Variants in CUX1 observed in about 807,000 individuals in gnomAD.
CUX1 encodes the protein protein CASP.
In CUX1, 31 loss-of-function variants were observed where a neutral mutation model predicts 158.8. The observed-to-expected ratio is 0.20, with a 90% confidence interval of 0.15 to 0.26. The LOEUF (loss-of-function observed/expected upper bound fraction) is 0.26, where lower values mean the gene tolerates loss of function less well. Among genes scored for constraint, CUX1 ranks in the 10% least tolerant of loss-of-function variants. CUX1 has a pLI of 1.00. For synonymous variants in CUX1, 879 were observed against 862.1 expected (o/e 1.02, Z -0.34); for missense variants, 1,589 against 2,014.6 (o/e 0.79, Z 4.04).
chr7:102,239,429 G>C lies in CUX1; in HGVS notation c.3732G>C (p.Leu1244=). 1 of 1,613,960 alleles carries C rather than the reference G, an allele frequency of 6.2e-7. No individual in the cohort carries two copies. The highest frequency in any genetic ancestry group is 1.7e-5 in the Admixed American group (1 of 60,018). ...QGASPQPQHQ[L]KKPRVVLAPE... Reference sequence around the variant, plus strand: ...CCAGCCCCCAGCCCCAGCACCAGCTGAAGAAACCCCGGGTGGTGCTGGCTC... The same window carrying C: ...CCAGCCCCCAGCCCCAGCACCAGCTCAAGAAACCCCGGGTGGTGCTGGCTC... The change falls in exon 23 of 24, where the codon CTG becomes CTC. Residue 1244 remains leucine (L), a synonymous_variant. Coordinates refer to ENST00000292535, the MANE Select transcript of CUX1 (RefSeq NM_181552.4).
chr7:102,223,274 A>G (rs1431618363), intron 20 of CUX1, among the ~76,000 whole-genome samples: 2 of 152,082 alleles, frequency 1.3e-5, no homozygotes, highest in East Asian at 3.9e-4. Flanking sequence ...TAAAGTTTAA[A>G]AAAAGTTTAA....
chr7:101,956,496 G>C (rs1018329948), intron 2 of CUX1, among the ~76,000 whole-genome samples: 3 of 152,200 alleles, frequency 2.0e-5, no homozygotes, highest in Non-Finnish European at 1.5e-5. Flanking sequence ...GGATTATGGA[G>C]TCAACGTTTC....
At chr7:102,044,616 C>T (rs1457144661) in intron 3 of CUX1, among the ~76,000 whole-genome samples, 2 of 152,152 alleles carry the variant, frequency 1.3e-5, no homozygotes, top group African/African-American at 4.8e-5. Flanking sequence ...GATGCTTTAT[C>T]TATTCTTTGC....
At chr7:102,245,911 G>A (rs1800756955) in intron 23 of CUX1, among the ~76,000 whole-genome samples, 1 of 151,632 alleles carries the variant, frequency 6.6e-6, no homozygotes, top group Non-Finnish European at 1.5e-5. Flanking sequence ...GGCAGAGGTT[G>A]CAGTGAGCTG....
At chr7:102,095,708 C>T (rs1317412587) in intron 4 of CUX1, among the ~76,000 whole-genome samples, 5 of 152,122 alleles carry the variant, frequency 3.3e-5, no homozygotes, top group African/African-American at 7.2e-5. Context: ...CTTGTTGATC[C>T]GCTGGGCATG....
At chr7:102,008,368 A>C (rs565943204) in intron 2 of CUX1, among the ~76,000 whole-genome samples, 12 of 136,042 alleles carry the variant, frequency 8.8e-5, no homozygotes, top group Admixed American at 1.5e-4. Flanking sequence ...CCCCACCTCT[A>C]CTCGCCCCTC....
At chr7:102,224,819 G>A (rs76883103) in intron 20 of CUX1, among the ~76,000 whole-genome samples, 12,452 of 152,218 alleles carry the variant, frequency 0.082, 787 homozygotes, top group African/African-American at 0.17. Context: ...CACAGCAGCC[G>A]GCACCACACT....
intron 3 of CUX1, among the ~76,000 whole-genome samples, chr7:102,048,564 C>T (rs1211539285): frequency 1.3e-5 from 2 of 152,224 alleles, no homozygotes; most frequent in Admixed American, 6.5e-5. Context: ...CACAATGGCT[C>T]ATGCCTGTAA....
intron 2 of CUX1, among the ~76,000 whole-genome samples, chr7:101,965,923 G>A (rs1171252084): frequency 6.6e-6 from 1 of 151,042 alleles, no homozygotes; most frequent in East Asian, 1.9e-4. Flanking sequence ...AAGGCAATGT[G>A]TGGACCTCAT....
intron 18 of CUX1, 100 bp downstream of exon 18, chr7:102,202,304 C>A: frequency 6.8e-7 from 1 of 1,465,498 alleles, no homozygotes; most frequent in Non-Finnish European, 9.1e-7. Context: ...CATTTCAATT[C>A]ACCCAAGAGC....
upstream of CUX1, chr7:101,816,846 G>T: frequency 1.1e-6 from 1 of 920,954 alleles, no homozygotes; most frequent in Non-Finnish European, 1.3e-6. Flanking sequence ...GGCCGGCCCC[G>T]GCCGCCGCCC....
At chr7:102,178,809 T>C in intron 11 of CUX1, 152 bp downstream of exon 11, 1 of 785,696 alleles carries the variant, frequency 1.3e-6, no homozygotes, top group Non-Finnish European at 2.0e-6. Context: ...AGTCCCGGAG[T>C]CCATGGCAGG....
rs112403178 is a variant in CUX1, at chr7:102,273,305, G to T, written c.1256-61G>T. On this transcript the variant is annotated intron_variant, in intron 14 of 22. Transcript: ENST00000292538. The stretch of plus-strand genomic sequence containing the variant: ...CCGTGGGTTGGAGAGGCAGAACCAG[G>T]GGAGGGCACCAAGGGTCCCACCAGG... 2.4e-5 allele frequency: 38 copies of T among 1,582,560 alleles called. No individual in the cohort carries two copies. In the African/African-American group the frequency reaches 3.2e-4, roughly 13 times the overall value.
intron 3 of CUX1, among the ~76,000 whole-genome samples, chr7:102,062,931 C>T (rs566443491): frequency 2.0e-5 from 3 of 152,106 alleles, no homozygotes; most frequent in Non-Finnish European, 4.4e-5. Flanking sequence ...ATGGAGAAAC[C>T]CCGTCTCTAT....
intron 5 of CUX1, among the ~76,000 whole-genome samples, chr7:102,099,213 CAGGCAG>C (rs1376623329): frequency 6.6e-6 from 1 of 152,124 alleles, no homozygotes; most frequent in African/African-American, 2.4e-5. Context: ...CACGAGGTGA[CAGGCAG>C]CTGGGGAAGC....
In CUX1 at chr7:102,248,921, C is replaced by G; in HGVS notation, c.4397C>G (p.Ala1466Gly). The change falls in exon 24 of 24, where the codon GCG becomes GGG. Residue 1466 changes from alanine to glycine, a missense_variant. Ala to Gly is a moderately conservative substitution (Grantham distance 60). This residue lies in a region of CUX1 where 344 missense variants were observed against 323.7 expected (regional missense o/e 1.06). Coordinates refer to ENST00000292535, the MANE Select transcript of CUX1 (RefSeq NM_181552.4). The surrounding 1 kb of genome is among the most constrained non-coding windows in gnomAD (Gnocchi z 5.8). Reference sequence around the variant, plus strand: ...AGCCTTTTCGGCCTCCCCGAGGCCGCGGGCGCCCGGGACTCGCGCGACAAC... The same window carrying G: ...AGCCTTTTCGGCCTCCCCGAGGCCGGGGGCGCCCGGGACTCGCGCGACAAC... ...LQSLFGLPEA[A>G]GARDSRDNPL... 1.4e-6 allele frequency: 2 copies of G among 1,462,604 alleles called. No individual in the cohort carries two copies. The highest frequency in any genetic ancestry group is 1.8e-6 in the Non-Finnish European group (2 of 1,102,382). 90.6% of individuals were successfully genotyped at this position (1,462,604 alleles called of 1,614,324 possible).
At position 102,253,719 on chromosome 7, in the gene CUX1, G is replaced by C. The variant is rs1801770319; in HGVS notation, c.*4677G>C. On this transcript the variant is annotated 3_prime_UTR_variant, in exon 24 of 24. Transcript: ENST00000292535. ...ATGACAGGCGCTTCTTGGCAGACCAGTAAAAACAAAAGCCCATAGACCTTA... is the reference window on the plus strand; with the variant it reads ...ATGACAGGCGCTTCTTGGCAGACCACTAAAAACAAAAGCCCATAGACCTTA... 1 of 985,432 alleles carries C rather than the reference G, an allele frequency of 1.0e-6. No homozygotes were observed. Among genetic ancestry groups the C allele is most frequent in the Non-Finnish European group, 1.2e-6 (1 of 829,948 alleles). 61.0% of individuals were successfully genotyped at this position (985,432 alleles called of 1,614,324 possible). A position where few individuals can be genotyped will look rare whatever the true frequency, so the allele number is the denominator to read the frequency against.
intron 3 of CUX1, among the ~76,000 whole-genome samples, chr7:102,063,683 G>A (rs776218335): frequency 2.6e-4 from 40 of 152,192 alleles, no homozygotes; most frequent in Admixed American, 1.4e-3. Flanking sequence ...GTGAGCCACC[G>A]TGCCTTGTCA....
chr7:102,016,110 C>G (rs1039394512), intron 2 of CUX1, among the ~76,000 whole-genome samples: 5 of 152,154 alleles, frequency 3.3e-5, no homozygotes, highest in African/African-American at 1.2e-4. Context: ...CCACACCCAG[C>G]TAATTTTTTT....
Sources: allele counts gnomAD v4.1 joint callset (sites outside exome capture counted in the v4.1 genomes callset), GRCh38; gene constraint gnomAD v4.1.1; regional missense constraint gnomAD v4.1.1; non-coding constraint Gnocchi (gnomAD v3.1); transcripts MANE v1.5; gene names NCBI Gene and HGNC (gene_info 2026-07-23, HGNC 2026-07-21).